Variants in ZNF724 observed in about 807,000 individuals in gnomAD.
The protein encoded by ZNF724 is zinc finger protein 724 pseudogene.
In ZNF724, 14 loss-of-function variants were observed where a neutral mutation model predicts 29.3. The ratio of observed to expected loss-of-function variants is 0.48; its 90% CI spans 0.32 to 0.75. The LOEUF is 0.75. Among genes scored for constraint, ZNF724 ranks in the 30% least tolerant of loss-of-function variants. The pLI, the probability that ZNF724 is intolerant of heterozygous loss-of-function variation, is 0.04. For missense variants in ZNF724, 557 were observed against 571.2 expected, an observed-to-expected ratio of 0.98 and a Z score of 0.25; for synonymous variants, 180 against 193.6, an observed-to-expected ratio of 0.93 and a Z score of 0.58.
chr19:23,237,133 G>A lies in ZNF724; in HGVS notation c.4-4840C>T, dbSNP rs139588641. Among the ~76,000 whole-genome samples the A allele has an allele frequency of 7.3e-3, 1,104 of 152,232 alleles. 8 individuals carry two copies. Among genetic ancestry groups the A allele is most frequent in the African/African-American group, 0.025 (1,054 of 41,546 alleles). ...CTCCCAAAGTGCTGGGATTACAGAGGTGAGCCACAGCACCCAGCCTTCACC... is the reference window on the plus strand; with the variant it reads ...CTCCCAAAGTGCTGGGATTACAGAGATGAGCCACAGCACCCAGCCTTCACC... On this transcript the variant is annotated intron_variant, in intron 1 of 3. Transcript: ENST00000418100.
At chr19:23,246,921 C>CA (rs1205884893) in intron 1 of ZNF724, among the ~76,000 whole-genome samples, 4 of 151,972 alleles carry the variant, frequency 2.6e-5, no homozygotes, top group Admixed American at 2.0e-4. Flanking sequence ...AACACTCAGG[C>CA]AAAAAAACAC....
chr19:23,226,575 T>C (rs1599636653), intron 3 of ZNF724, among the ~76,000 whole-genome samples: 1 of 152,294 alleles, frequency 6.6e-6, no homozygotes, highest in East Asian at 1.9e-4. Flanking sequence ...ATTATGAATC[T>C]TTTCAAAAAT....
intron 1 of ZNF724, among the ~76,000 whole-genome samples, chr19:23,242,978 G>A (rs1032580053): frequency 1.4e-5 from 2 of 145,364 alleles, no homozygotes; most frequent in African/African-American, 5.1e-5. Context: ...GGCGGAAGTT[G>A]CAGTGAGCCA....
At chr19:23,247,682 A>AT (rs1033736913) in intron 1 of ZNF724, among the ~76,000 whole-genome samples, 1 of 152,016 alleles carries the variant, frequency 6.6e-6, no homozygotes, top group Admixed American at 6.6e-5. Flanking sequence ...TGGGGATACA[A>AT]TTTTTTTTCA....
rs1169235567 is a variant in ZNF724, at chr19:23,222,603, T to C, written c.1642A>G (p.Asn548Asp). Residue 548 changes from asparagine to aspartate, a missense_variant, in exon 4 of 4, where the codon AAC (asparagine) becomes GAC (aspartate). Physicochemically the swap from Asn to Asp is conservative, Grantham distance 23. Transcript: ENST00000418100. Reference protein sequence around the residue: ...ECGKAFYQYSNLTQHKIIHTG... With the variant: ...ECGKAFYQYSDLTQHKIIHTG... ...TGAATTATCTTATGTTGAGTAAGGT[T>C]TGAGTATTGGTAAAAAGCTTTGCCA... is the stretch of plus-strand genomic sequence containing the variant. 1 of 1,370,400 alleles carries C rather than the reference T, an allele frequency of 7.3e-7. No homozygotes were observed. The highest frequency in any genetic ancestry group is 1.0e-6 in the Non-Finnish European group (1 of 960,902). 84.9% of individuals were successfully genotyped at this position (1,370,400 alleles called of 1,614,324 possible).
chr19:23,250,212 C>T (rs764804292), intron 1 of ZNF724, 28 bp downstream of exon 1: 14 of 615,518 alleles, frequency 2.3e-5, no homozygotes, highest in South Asian at 1.9e-4. Context: ...CTCCCTCTCT[C>T]TCCGGATGTC....
chr19:23,232,034 GC>G, intron 2 of ZNF724, 132 bp downstream of exon 2: 1 of 848,442 alleles, frequency 1.2e-6, no homozygotes, highest in Non-Finnish European at 1.9e-6. Context: ...ACCACGCTTG[GC>G]CCCCAAGATT....
chr19:23,230,238 A>C (rs1308210002), intron 3 of ZNF724, among the ~76,000 whole-genome samples: 2 of 151,826 alleles, frequency 1.3e-5, no homozygotes, highest in Non-Finnish European at 2.9e-5. Context: ...AAAAGACACA[A>C]ATTTTAAAAT....
intron 3 of ZNF724, among the ~76,000 whole-genome samples, chr19:23,228,286 C>T (rs982870959): frequency 1.3e-5 from 2 of 151,416 alleles, no homozygotes; most frequent in Non-Finnish European, 2.9e-5. Flanking sequence ...ACTTTCCCTA[C>T]TAAAAATACA....
rs1300880553 is a variant in ZNF724 at position 23,243,485 on chromosome 19, A to AT, written c.3+6754_3+6755insA. Among the ~76,000 whole-genome samples, 8 of 149,776 alleles carry AT rather than the reference A, an allele frequency of 5.3e-5. 1 individual carries two copies. The highest frequency in any genetic ancestry group is 2.0e-4 in the African/African-American group (8 of 40,364). On this transcript the variant is annotated intron_variant, in intron 1 of 3. Transcript: ENST00000418100. ...AGCGAGAGTCCATCTCAAAAAAAAAAAAAAAAAAAAAAAAAAGGTAAACTG... is the reference window on the plus strand; with the variant it reads ...AGCGAGAGTCCATCTCAAAAAAAAAATAAAAAAAAAAAAAAAAGGTAAACTG...
chr19:23,243,289 C>A (rs1443972741), intron 1 of ZNF724, among the ~76,000 whole-genome samples: 4 of 149,354 alleles, frequency 2.7e-5, no homozygotes, highest in Admixed American at 6.6e-5. Context: ...ACCAGCCTGG[C>A]CAACATGGTG....
rs1186685787 is a variant in ZNF724 at position 23,226,089 on chromosome 19, T to C, written c.227-2071A>G. ...TTTTTTGAGATGGAGTCTCGCTCTG[T>C]CCCCCAGGCTGGAGTGCAGTGGCTG... On this transcript the variant is annotated intron_variant, in intron 3 of 3. Transcript: ENST00000418100. 8.6e-5 allele frequency among the ~76,000 whole-genome samples: 12 copies of C among 138,774 alleles called. No individual in the cohort carries two copies. The Admixed American group carries it at 9.2e-4, about 11-fold the overall frequency. The allele number at this position is 138,774 out of a possible 152,430, so 91.0% of individuals were successfully genotyped here.
chr19:23,236,495 T>C (rs190069789), intron 1 of ZNF724: 1 of 153,588 alleles, frequency 6.5e-6, no homozygotes, highest in Non-Finnish European at 1.5e-5. Context: ...CATGACACCA[T>C]GGGATAGTAA....
At chr19:23,240,128 C>T (rs1266888196) in intron 1 of ZNF724, among the ~76,000 whole-genome samples, 2 of 151,772 alleles carry the variant, frequency 1.3e-5, no homozygotes, top group Non-Finnish European at 2.9e-5. Context: ...CCAGCCTGGT[C>T]AACATGGTGA....
At chr19:23,231,860 A>C (rs775031340) in intron 2 of ZNF724, among the ~76,000 whole-genome samples, 22 of 151,900 alleles carry the variant, frequency 1.4e-4, no homozygotes, top group Non-Finnish European at 2.4e-4. Flanking sequence ...CAGCCTCCCA[A>C]GTAGCTGGGA....
chr19:23,237,224 A>G (rs1179633142), intron 1 of ZNF724, among the ~76,000 whole-genome samples: 1 of 152,180 alleles, frequency 6.6e-6, no homozygotes, highest in African/African-American at 2.4e-5. Context: ...TGAGCTTACA[A>G]CACAGCTAAC....
At chr19:23,243,674 G>C (rs951096879) in intron 1 of ZNF724, among the ~76,000 whole-genome samples, 5 of 151,420 alleles carry the variant, frequency 3.3e-5, no homozygotes, top group Admixed American at 3.3e-4. Flanking sequence ...TGTAATACCA[G>C]CACTTTTGGA....
At chr19:23,243,506 A>C (rs1226242872) in intron 1 of ZNF724, among the ~76,000 whole-genome samples, 23 of 146,442 alleles carry the variant, frequency 1.6e-4, no homozygotes, top group African/African-American at 2.6e-5. Flanking sequence ...AAAAAAGGTA[A>C]ACTGATGCAG....
chr19:23,231,244 T>G lies in ZNF724; in HGVS notation c.226+22A>C, dbSNP rs761836612. On this transcript the variant is annotated intron_variant, in intron 3 of 3. Transcript: ENST00000418100. The stretch of plus-strand genomic sequence containing the variant: ...ATTTGGACCTCTCATCTGTGTCATC[T>G]GTCATATTCACTCTCACCTACCTGG... The G allele has an allele frequency of 5.5e-6, 7 of 1,281,060 alleles. No individual in the cohort carries two copies. The Admixed American group carries it at 1.0e-4, about 18-fold the overall frequency. The allele number at this position is 1,281,060 out of a possible 1,614,324, so 79.4% of individuals were successfully genotyped here.
Sources: allele counts gnomAD v4.1 joint callset (sites outside exome capture counted in the v4.1 genomes callset), GRCh38; gene constraint gnomAD v4.1.1; transcripts MANE v1.5; gene names NCBI Gene and HGNC (gene_info 2026-07-23, HGNC 2026-07-21).